Variants in EFHC2 observed in about 807,000 individuals in gnomAD.
The protein encoded by EFHC2 is EF-hand domain containing 2.
A neutral mutation model predicts 52.7 loss-of-function variants in EFHC2; 18 were observed. The observed-to-expected ratio is 0.34, with a 90% CI of 0.24 to 0.51. The LOEUF is 0.51. Ranked by LOEUF, EFHC2 falls within the 20% of genes least tolerant of loss-of-function variation. EFHC2 has a pLI of 0.97. For synonymous variants in EFHC2, 203 were observed against 204.1 expected, an observed-to-expected ratio of 0.99 and a Z score of 0.04; for missense variants, 513 against 562.5, an observed-to-expected ratio of 0.91 and a Z score of 0.89.
At chrX:44,282,781 T>A (rs1039188039) in intron 2 of EFHC2, among the ~76,000 whole-genome samples, 3 of 110,423 alleles carry the variant, frequency 2.7e-5, no homozygotes, top group African/African-American at 9.9e-5. Flanking sequence ...CTAAAAACCA[T>A]GACTACGCTT....
chrX:44,173,379 G>T (rs1487863990), intron 13 of EFHC2, among the ~76,000 whole-genome samples: 1 of 112,011 alleles, frequency 8.9e-6, no homozygotes, highest in African/African-American at 3.2e-5. Context: ...AAGAGACTCT[G>T]GTCAGGGCTC....
intron 11 of EFHC2, among the ~76,000 whole-genome samples, chrX:44,187,970 GT>G (rs11405024): frequency 2.2e-5 from 2 of 91,973 alleles, no homozygotes; most frequent in African/African-American, 8.0e-5. Context: ...AAAAAAAAGT[GT>G]TTTTTTTTTT....
chrX:44,316,095 A>G (rs1191223602), intron 1 of EFHC2, among the ~76,000 whole-genome samples: 1 of 111,423 alleles, frequency 9.0e-6, no homozygotes, highest in Admixed American at 9.5e-5. Flanking sequence ...TTCCATAATC[A>G]CATGGAAAAA....
intron 7 of EFHC2, among the ~76,000 whole-genome samples, chrX:44,242,795 C>T (rs1211900653): frequency 9.0e-6 from 1 of 110,630 alleles, no homozygotes; most frequent in African/African-American, 3.3e-5. Context: ...TTTGAGTACC[C>T]TCCATTGCCT....
chrX:44,154,702 C>CCAAAA (rs750933145), intron 14 of EFHC2, among the ~76,000 whole-genome samples: 62 of 109,659 alleles, frequency 5.7e-4, no homozygotes, highest in Non-Finnish European at 8.2e-4. Context: ...AGACCCTGTC[C>CCAAAA]CAAAACAAAA....
chrX:44,178,550 G>C lies in EFHC2; in HGVS notation c.1766C>G (p.Ser589Cys). 4.2e-6 allele frequency: 5 copies of C among 1,192,308 alleles called. No homozygotes were observed. Among genetic ancestry groups the C allele is most frequent in the Non-Finnish European group, 4.5e-6 (4 of 888,069 alleles). ...DYNTFRDILM[S>C]LTVGNLAEQE... ...CTCTGCAAGGTTTCCAACAGTCAAA[G>C]ACATCAATATGTCTCTGTAATAAAA... The change falls in exon 12 of 15, where the codon TCT (serine) becomes TGT (cysteine). Residue 589 changes from serine (S) to cysteine (C), a missense_variant. Physicochemically the swap from Ser to Cys is moderately radical, Grantham distance 112. Coordinates refer to ENST00000420999, the MANE Select transcript of EFHC2 (RefSeq NM_025184.4).
intron 2 of EFHC2, chrX:44,285,262 A>G (rs745586576): frequency 8.9e-6 from 1 of 112,132 alleles, no homozygotes; most frequent in East Asian, 2.8e-4. Context: ...ACACATCCAG[A>G]GATCTGAAGA....
At chrX:44,210,280 T>C (rs1400079241) in intron 11 of EFHC2, among the ~76,000 whole-genome samples, 2 of 112,188 alleles carry the variant, frequency 1.8e-5, no homozygotes, top group African/African-American at 3.2e-5. Context: ...GTAGAGTCAA[T>C]GCAATCTCAA....
At chrX:44,164,724 T>A (rs1187370498) in intron 13 of EFHC2, among the ~76,000 whole-genome samples, 1 of 112,033 alleles carries the variant, frequency 8.9e-6, no homozygotes, top group East Asian at 2.8e-4. Context: ...ATTCTGATTT[T>A]TGATTTTTCT....
At chrX:44,236,440 C>T (rs2147325795) in intron 8 of EFHC2, among the ~76,000 whole-genome samples, 1 of 112,335 alleles carries the variant, frequency 8.9e-6, no homozygotes, top group South Asian at 3.7e-4. Context: ...TAAACCATGT[C>T]CTCTGTCACA....
At chrX:44,183,004 A>G (rs968793301) in intron 11 of EFHC2, among the ~76,000 whole-genome samples, 14 of 111,979 alleles carry the variant, frequency 1.3e-4, no homozygotes, top group African/African-American at 4.2e-4. Flanking sequence ...TTTATAAGAC[A>G]TAATTCCATT....
At chrX:44,234,293 G>T (rs2037301011) in intron 9 of EFHC2, among the ~76,000 whole-genome samples, 1 of 112,071 alleles carries the variant, frequency 8.9e-6, no homozygotes, top group Admixed American at 9.4e-5. Flanking sequence ...GCTGCAACTT[G>T]TTTGGCCACA....
intron 1 of EFHC2, among the ~76,000 whole-genome samples, chrX:44,322,686 T>C (rs182591184): frequency 1.9e-3 from 214 of 112,066 alleles, no homozygotes; most frequent in African/African-American, 6.7e-3. Flanking sequence ...AGTGAGAGAA[T>C]ATCTGTGCCT....
At chrX:44,198,271 T>C (rs1256200726) in intron 11 of EFHC2, among the ~76,000 whole-genome samples, 8 of 111,937 alleles carry the variant, frequency 7.1e-5, no homozygotes, top group African/African-American at 2.6e-4. Context: ...TTATTTATTC[T>C]AAAATGCCAA....
At chrX:44,286,974 T>C (rs1197904017) in intron 2 of EFHC2, among the ~76,000 whole-genome samples, 1 of 88,063 alleles carries the variant, frequency 1.1e-5, no homozygotes, top group African/African-American at 4.6e-5. Context: ...TGCAGTGAGC[T>C]ATAATCACAC....
intron 1 of EFHC2, among the ~76,000 whole-genome samples, chrX:44,328,578 C>T (rs1170574925): frequency 2.7e-5 from 3 of 111,962 alleles, no homozygotes; most frequent in Middle Eastern, 4.2e-3. Flanking sequence ...GCAATCTCCC[C>T]GTGACCCCCA....
At chrX:44,266,627 G>A (rs1425388681) in intron 3 of EFHC2, among the ~76,000 whole-genome samples, 1 of 111,114 alleles carries the variant, frequency 9.0e-6, no homozygotes, top group Non-Finnish European at 1.9e-5. Flanking sequence ...AAGCCACCAT[G>A]CCCAGCCAAA....
At chrX:44,332,482 A>G (rs2038092993) in intron 1 of EFHC2, among the ~76,000 whole-genome samples, 1 of 111,270 alleles carries the variant, frequency 9.0e-6, no homozygotes, top group Non-Finnish European at 1.9e-5. Context: ...TTGAGCACCC[A>G]GGGGCCTGGG....
chrX:44,291,163 A>G (rs2037790186), intron 2 of EFHC2, among the ~76,000 whole-genome samples: 1 of 111,868 alleles, frequency 8.9e-6, no homozygotes, highest in South Asian at 3.7e-4. Context: ...GTGGGGGTAC[A>G]TCTAAATACC....
Sources: gnomAD v4.1 joint callset for allele counts (sites outside exome capture counted in the v4.1 genomes callset) on GRCh38, gnomAD v4.1.1 for gene constraint, MANE v1.5 for transcripts, NCBI Gene and HGNC (gene_info 2026-07-23, HGNC 2026-07-21) for gene names.